The following EFCAB5 variants were observed in gnomAD, a reference collection of about 807,000 sequenced individuals.
EFCAB5 encodes the protein EF-hand calcium binding domain 5.
In EFCAB5, 131 loss-of-function variants were observed where a neutral mutation model predicts 167.9. The ratio of observed to expected loss-of-function variants is 0.78; its 90% CI spans 0.68 to 0.90. The LOEUF (loss-of-function observed/expected upper bound fraction) is 0.90, where lower values mean the gene tolerates loss of function less well. EFCAB5 is among the 40% of genes least tolerant of loss of function. The pLI is 0.00. For missense variants in EFCAB5, 1,663 were observed against 1,745.2 expected, an observed-to-expected ratio of 0.95 and a Z score of 0.84; for synonymous variants, 574 against 602.8, an observed-to-expected ratio of 0.95 and a Z score of 0.70.
chr17:29,991,272 G>A (rs962271288), intron 4 of EFCAB5, among the ~76,000 whole-genome samples: 3 of 152,144 alleles, frequency 2.0e-5, no homozygotes, highest in Non-Finnish European at 4.4e-5. Context: ...AGACCAGCTC[G>A]GTCATGGAGA....
At position 30,070,889 on chromosome 17, in the gene EFCAB5, G is replaced by A. The variant is rs138807272; in HGVS notation, c.2738-7326G>A. Among the ~76,000 whole-genome samples, 61 of 139,886 alleles carry A rather than the reference G, an allele frequency of 4.4e-4. No individual in the cohort carries two copies. The East Asian group carries it at 0.013, about 29-fold the overall frequency. 91.8% of individuals were successfully genotyped at this position (139,886 alleles called of 152,430 possible). A position where few individuals can be genotyped will look rare whatever the true frequency, so the allele number is the denominator to read the frequency against. On this transcript the variant is annotated intron_variant, in intron 14 of 22. Transcript: ENST00000394835. Reference sequence around the variant, plus strand: ...TGCTTAAACCCAGGAGGCAGAGGTTGCAATGAGCCGAGATTGCGCCACTGC... The same window carrying A: ...TGCTTAAACCCAGGAGGCAGAGGTTACAATGAGCCGAGATTGCGCCACTGC...
intron 8 of EFCAB5, among the ~76,000 whole-genome samples, chr17:30,039,114 C>T (rs529625627): frequency 6.6e-6 from 1 of 152,258 alleles, no homozygotes; most frequent in East Asian, 1.9e-4. Context: ...CAGCTACCAC[C>T]CTTAGAATTT....
At chr17:30,097,650 A>G (rs1489111636) in intron 22 of EFCAB5, among the ~76,000 whole-genome samples, 2 of 152,224 alleles carry the variant, frequency 1.3e-5, no homozygotes, top group Admixed American at 1.3e-4. Context: ...AGTTATATTT[A>G]TAATTTGGGG....
Position 30,057,787 on chromosome 17 carries a change from T to C in EFCAB5, c.2477T>C (p.Phe826Ser). Residue 826 changes from phenylalanine (F) to serine (S), a missense_variant, in exon 13 of 23, where the codon TTT becomes TCT. Transcript: ENST00000394835. ...CAGTTTGTGCAACTCCTGGAGACAT[T>C]TGTTGGTGAAGACGCTCCCTTGAGT... is the stretch of plus-strand genomic sequence containing the variant. Reference protein sequence around the residue: ...LLQFVQLLETFVGEDAPLSVS... With the variant: ...LLQFVQLLETSVGEDAPLSVS... 1 of 1,613,842 alleles carries C rather than the reference T, an allele frequency of 6.2e-7. No individual in the cohort carries two copies. Among genetic ancestry groups the C allele is most frequent in the Non-Finnish European group, 8.5e-7 (1 of 1,179,794 alleles).
At chr17:29,952,919 A>C (rs2067541337) in intron 3 of EFCAB5, among the ~76,000 whole-genome samples, 2 of 152,172 alleles carry the variant, frequency 1.3e-5, no homozygotes, top group South Asian at 4.1e-4. Context: ...TAGAGTTATA[A>C]AAATTCTTAT....
intron 4 of EFCAB5, among the ~76,000 whole-genome samples, chr17:29,983,762 T>C (rs1488251719): frequency 6.6e-6 from 1 of 152,162 alleles, no homozygotes; most frequent in Non-Finnish European, 1.5e-5. Flanking sequence ...CACAATCAAT[T>C]TAAAATCCAT....
At chr17:30,073,095 C>T (rs1322276455) in intron 14 of EFCAB5, 6 of 674,828 alleles carry the variant, frequency 8.9e-6, no homozygotes, top group African/African-American at 1.8e-5. Context: ...CTCACTCTGT[C>T]GCCAGGCTGG....
At chr17:30,085,354 G>A (rs1330437229) in intron 18 of EFCAB5, among the ~76,000 whole-genome samples, 1 of 152,140 alleles carries the variant, frequency 6.6e-6, no homozygotes, top group Non-Finnish European at 1.5e-5. Context: ...TTGGAGTACC[G>A]AACTTATTAA....
rs569526465 is a variant in EFCAB5 at position 30,040,154 on chromosome 17, C to T, written c.1200+5769C>T. On this transcript the variant is annotated intron_variant, in intron 8 of 22. Coordinates refer to ENST00000394835, the MANE Select transcript of EFCAB5 (RefSeq NM_198529.4). ...CATGGAGTGCATGGTAGCTCTTTCTCAAGATTCCACCGCCTGGAATAATGA... is the reference window on the plus strand; with the variant it reads ...CATGGAGTGCATGGTAGCTCTTTCTTAAGATTCCACCGCCTGGAATAATGA... Among the ~76,000 whole-genome samples, 5 of 152,324 alleles carry T rather than the reference C, an allele frequency of 3.3e-5. No individual in the cohort carries two copies. In the East Asian group the frequency reaches 9.6e-4, roughly 29 times the overall value.
At chr17:30,102,534 C>A (rs766817079) in intron 22 of EFCAB5, among the ~76,000 whole-genome samples, 8 of 152,072 alleles carry the variant, frequency 5.3e-5, no homozygotes, top group Non-Finnish European at 8.8e-5. Flanking sequence ...CCATACCCGG[C>A]CCTTATGTCT....
intron 3 of EFCAB5, among the ~76,000 whole-genome samples, chr17:29,967,123 T>C (rs2067845443): frequency 6.6e-6 from 1 of 152,256 alleles, no homozygotes; most frequent in Admixed American, 6.5e-5. Context: ...ATTTGTTCTA[T>C]TTAATGGTAT....
intron 7 of EFCAB5, among the ~76,000 whole-genome samples, chr17:30,021,459 A>G (rs1258073013): frequency 6.7e-6 from 1 of 148,158 alleles, no homozygotes; most frequent in Non-Finnish European, 1.5e-5. Context: ...ATATAAATAT[A>G]TATAATACAT....
intron 22 of EFCAB5, among the ~76,000 whole-genome samples, chr17:30,103,066 C>T (rs2071402239): frequency 1.3e-5 from 2 of 151,938 alleles, no homozygotes; most frequent in Admixed American, 1.3e-4. Flanking sequence ...CTCCAGGACT[C>T]AAGCAATCCA....
intron 14 of EFCAB5, chr17:30,069,122 G>C: frequency 6.6e-7 from 1 of 1,523,264 alleles, no homozygotes; most frequent in East Asian, 2.3e-5. Flanking sequence ...GATAAGAAAA[G>C]AATATCTAAG....
intron 7 of EFCAB5, among the ~76,000 whole-genome samples, chr17:30,023,066 C>G (rs1024192145): frequency 1.3e-5 from 2 of 151,498 alleles, no homozygotes; most frequent in African/African-American, 4.9e-5. Flanking sequence ...TAAATGCCCA[C>G]AAGAGAAAGC....
chr17:29,981,990 ATCC>A (rs2068185579), intron 4 of EFCAB5, among the ~76,000 whole-genome samples: 1 of 152,242 alleles, frequency 6.6e-6, no homozygotes, highest in Admixed American at 6.5e-5. Flanking sequence ...TTATATCAGC[ATCC>A]TCATTTATGT....
intron 7 of EFCAB5, among the ~76,000 whole-genome samples, chr17:30,009,982 C>T (rs1022228577): frequency 6.6e-6 from 1 of 152,116 alleles, no homozygotes; most frequent in Non-Finnish European, 1.5e-5. Context: ...CCATGACAGG[C>T]CCCGGTGTGT....
chr17:30,107,223 C>G (rs1426884987), intron 22 of EFCAB5, among the ~76,000 whole-genome samples: 3 of 152,178 alleles, frequency 2.0e-5, no homozygotes. Flanking sequence ...TGTGCAGTTA[C>G]TATATAGCTT....
chr17:30,098,294 G>A (rs1410760002), intron 22 of EFCAB5, among the ~76,000 whole-genome samples: 1 of 151,400 alleles, frequency 6.6e-6, no homozygotes, highest in Non-Finnish European at 1.5e-5. Flanking sequence ...GGAGGCTGAG[G>A]TGGGCTGATC....
Sources: gnomAD v4.1 joint callset for allele counts (sites outside exome capture counted in the v4.1 genomes callset) on GRCh38, gnomAD v4.1.1 for gene constraint, MANE v1.5 for transcripts, NCBI Gene and HGNC (gene_info 2026-07-23, HGNC 2026-07-21) for gene names.